The following PLEKHA6 variants were observed in gnomAD, a reference collection of about 807,000 sequenced individuals.
PLEKHA6 encodes pleckstrin homology domain containing A6.
Under a neutral mutation model 116.7 loss-of-function variants are expected in PLEKHA6, and 60 were observed. The ratio of observed to expected loss-of-function variants is 0.51; its 90% CI spans 0.42 to 0.64. The LOEUF is 0.64. Ranked by LOEUF, PLEKHA6 falls within the 30% of genes least tolerant of loss-of-function variation. The pLI, the probability that PLEKHA6 is intolerant of heterozygous loss-of-function variation, is 0.00. For missense variants in PLEKHA6, 1,338 were observed against 1,422.7 expected, an observed-to-expected ratio of 0.94 and a Z score of 0.96; for synonymous variants, 489 against 556.1, an observed-to-expected ratio of 0.88 and a Z score of 1.70.
chr1:204,233,171 C>CT (rs144754011), intron 17 of PLEKHA6, among the ~76,000 whole-genome samples: 11,715 of 137,088 alleles, frequency 0.085, 552 homozygotes, highest in Middle Eastern at 0.15. Flanking sequence ...TTCTTTCTTT[C>CT]TTTTTTTTTC....
intron 1 of PLEKHA6, among the ~76,000 whole-genome samples, chr1:204,338,430 A>T (rs2103303117): frequency 6.6e-6 from 1 of 152,354 alleles, no homozygotes; most frequent in East Asian, 1.9e-4. Context: ...TCATTAGTTC[A>T]TAAGAACTCA....
chr1:204,287,935 T>C (rs1669364949), intron 1 of PLEKHA6, among the ~76,000 whole-genome samples: 1 of 152,174 alleles, frequency 6.6e-6, no homozygotes, highest in South Asian at 2.1e-4. Flanking sequence ...ATTTTAAAGA[T>C]TTCCTTCTAA....
intron 1 of PLEKHA6, among the ~76,000 whole-genome samples, chr1:204,288,278 C>A (rs753265059): frequency 6.6e-6 from 1 of 152,170 alleles, no homozygotes; most frequent in Non-Finnish European, 1.5e-5. Context: ...CTCAGCCAGC[C>A]GGAGCTGGCT....
chr1:204,247,426 AGGTGCTCATACTCTAT>A lies in PLEKHA6; in HGVS notation c.1843_1858del (p.Ile615SerfsTer25). The A allele has an allele frequency of 6.2e-7, 1 of 1,613,256 alleles. No homozygotes were observed. The highest frequency in any genetic ancestry group is 8.5e-7 in the Non-Finnish European group (1 of 1,179,400). ...GTGCAGGGCAGAGACCTCAGACTCG[AGGTGCTCATACTCTAT>A]GGTGCTGTTTGTCAGGGCCTACGGG... On this transcript the variant is annotated frameshift_variant, in exon 13 of 23. Coordinates refer to ENST00000272203, the MANE Select transcript of PLEKHA6 (RefSeq NM_014935.5). LOFTEE classifies it high-confidence loss of function.
Position 204,223,460 on chromosome 1 carries a change from A to G in PLEKHA6, c.*8+2T>C. The G allele has an allele frequency of 6.8e-7, 1 of 1,476,520 alleles. No homozygotes were observed. The highest frequency in any genetic ancestry group is 2.0e-5 in the Admixed American group (1 of 50,912). The allele number at this position is 1,476,520 out of a possible 1,614,324, so 91.5% of individuals were successfully genotyped here. A position where few individuals can be genotyped will look rare whatever the true frequency, so the allele number is the denominator to read the frequency against. On this transcript the variant is annotated splice_donor_variant, in intron 22 of 22. Coordinates refer to ENST00000272203, the MANE Select transcript of PLEKHA6 (RefSeq NM_014935.5). LOFTEE classifies it low-confidence loss of function (3UTR_SPLICE). The surrounding 1 kb of genome is among the most constrained non-coding windows in gnomAD (Gnocchi z 4.8). ...GATGAAATACAGTAGAAAAGTGCTT[A>G]CGTCAGAGCTCAGACCCGCATGGTA...
intron 1 of PLEKHA6, among the ~76,000 whole-genome samples, chr1:204,331,671 G>C (rs1186631461): frequency 1.3e-5 from 2 of 152,118 alleles, no homozygotes; most frequent in Non-Finnish European, 2.9e-5. Flanking sequence ...GCTCAAATTT[G>C]CCAAGTAAAT....
chr1:204,349,532 C>T (rs1360151130), intron 1 of PLEKHA6, among the ~76,000 whole-genome samples: 1 of 125,540 alleles, frequency 8.0e-6, no homozygotes, highest in Non-Finnish European at 1.6e-5. Flanking sequence ...CAGAGCAGGA[C>T]TCCATCTCAA....
chr1:204,312,823 C>T (rs1671703283), intron 1 of PLEKHA6, among the ~76,000 whole-genome samples: 1 of 151,666 alleles, frequency 6.6e-6, no homozygotes, highest in Non-Finnish European at 1.5e-5. Flanking sequence ...GAAGCATTTG[C>T]ATCAAGGCCC....
At chr1:204,359,333 G>A (rs1288374121) in intron 1 of PLEKHA6, among the ~76,000 whole-genome samples, 1 of 152,118 alleles carries the variant, frequency 6.6e-6, no homozygotes, top group Non-Finnish European at 1.5e-5. Context: ...AAGATTAAAG[G>A]GAGGGTGGGC....
intron 9 of PLEKHA6, among the ~76,000 whole-genome samples, chr1:204,251,853 GA>G (rs1383265074): frequency 7.2e-5 from 11 of 152,200 alleles, no homozygotes; most frequent in Admixed American, 6.5e-4. Context: ...AGGCACTGCA[GA>G]GGCTGGGGCC....
At chr1:204,359,068 A>G (rs555091403) in intron 1 of PLEKHA6, among the ~76,000 whole-genome samples, 2 of 151,762 alleles carry the variant, frequency 1.3e-5, no homozygotes, top group East Asian at 3.9e-4. Context: ...TATAAATGCC[A>G]TCCCCTCATT....
chr1:204,280,923 G>GC, intron 1 of PLEKHA6: 3 of 642,736 alleles, frequency 4.7e-6, no homozygotes, highest in Non-Finnish European at 3.9e-6. Context: ...CTCATCAGAG[G>GC]CCCTCTGTTT....
In PLEKHA6 at chr1:204,309,072, T is replaced by C. The variant is rs1325129507; in HGVS notation, c.-94-34263A>G. On this transcript the variant is annotated intron_variant, in intron 1 of 22. Coordinates refer to ENST00000272203, the MANE Select transcript of PLEKHA6 (RefSeq NM_014935.5). ...ATGTTTCTCATTCATTGTCTTTCTG[T>C]CACTCTATTAACATCCATAGTTTAC... 2.0e-5 allele frequency: 20 copies of C among 976,150 alleles called. 1 individual carries two copies. In the Admixed American group the frequency reaches 1.2e-3, roughly 60 times the overall value. The allele number at this position is 976,150 out of a possible 1,614,324, so 60.5% of individuals were successfully genotyped here.
chr1:204,241,087 T>G (rs1662742714), intron 17 of PLEKHA6, among the ~76,000 whole-genome samples: 1 of 152,214 alleles, frequency 6.6e-6, no homozygotes, highest in African/African-American at 2.4e-5. Context: ...TGTCAGCATG[T>G]AAGTTAATAC....
At chr1:204,289,342 TCTC>T (rs1459428574) in intron 1 of PLEKHA6, among the ~76,000 whole-genome samples, 2 of 152,124 alleles carry the variant, frequency 1.3e-5, no homozygotes, top group African/African-American at 4.8e-5. Context: ...AATAGCCCCT[TCTC>T]CTTTCAGGCC....
chr1:204,237,175 T>TA (rs1662181450), intron 17 of PLEKHA6, among the ~76,000 whole-genome samples: 1 of 152,262 alleles, frequency 6.6e-6, no homozygotes, highest in South Asian at 2.1e-4. Flanking sequence ...AGGTACAACT[T>TA]ACAGTGGGTC....
Position 204,365,812 on chromosome 1 carries a change from G to C in PLEKHA6, c.218+1987C>G, listed in dbSNP as rs896123184. Among the ~76,000 whole-genome samples, 7 of 152,120 alleles carry C rather than the reference G, an allele frequency of 4.6e-5. No individual in the cohort carries two copies. In the East Asian group the frequency reaches 1.4e-3, roughly 29 times the overall value. On this transcript the variant is annotated intron_variant, in intron 3 of 4. Transcript: ENST00000564627. ...GGGACCAGAAATACATAACCAAACA[G>C]ATACATAAACAAACGTGTTTCAGGT...
chr1:204,320,275 A>C (rs776995079), intron 1 of PLEKHA6, among the ~76,000 whole-genome samples: 25 of 152,148 alleles, frequency 1.6e-4, no homozygotes, highest in Admixed American at 1.3e-4. Context: ...GGTGGCATGC[A>C]ATGTACACTG....
rs1398239544 is a variant in PLEKHA6, at chr1:204,223,055, G to A, written c.*9-276C>T. Among the ~76,000 whole-genome samples, 1 of 152,204 alleles carries A rather than the reference G, an allele frequency of 6.6e-6. No individual in the cohort carries two copies. The highest frequency in any genetic ancestry group is 1.5e-5 in the Non-Finnish European group (1 of 68,026). ...ATTTACAGTAAGATCTGGGAGTGGA[G>A]AAACAGCTTCTGAGGGCTTCTGAAG... On this transcript the variant is annotated intron_variant, in intron 22 of 22. Coordinates refer to ENST00000272203, the MANE Select transcript of PLEKHA6 (RefSeq NM_014935.5). The surrounding 1 kb of genome is among the most constrained non-coding windows in gnomAD (Gnocchi z 4.8).
Sources: gnomAD v4.1 joint callset for allele counts (sites outside exome capture counted in the v4.1 genomes callset) on GRCh38, gnomAD v4.1.1 for gene constraint, Gnocchi (gnomAD v3.1) non-coding constraint, MANE v1.5 for transcripts, NCBI Gene and HGNC (gene_info 2026-07-23, HGNC 2026-07-21) for gene names.